Variants in SWAP70 observed in about 807,000 individuals in gnomAD.
SWAP70 encodes switch-associated protein 70.
A neutral mutation model predicts 80.2 loss-of-function variants in SWAP70; 34 were observed. The ratio of observed to expected loss-of-function variants is 0.42; its 90% CI spans 0.32 to 0.56. The LOEUF (loss-of-function observed/expected upper bound fraction) is 0.56, where lower values mean the gene tolerates loss of function less well. Ranked by LOEUF, SWAP70 falls within the 20% of genes least tolerant of loss-of-function variation. SWAP70 has a pLI of 0.09. For missense variants in SWAP70, 578 were observed against 690.7 expected, an observed-to-expected ratio of 0.84 and a Z score of 1.83; for synonymous variants, 239 against 238.5, an observed-to-expected ratio of 1.00 and a Z score of -0.02.
intron 7 of SWAP70, among the ~76,000 whole-genome samples, chr11:9,734,209 C>G (rs185114659): frequency 2.6e-5 from 4 of 152,306 alleles, no homozygotes; most frequent in African/African-American, 7.2e-5. Flanking sequence ...TCCCTCATCC[C>G]TAACCCCTGG....
chr11:9,721,243 A>G (rs1461828943), intron 3 of SWAP70, among the ~76,000 whole-genome samples: 1 of 151,744 alleles, frequency 6.6e-6, no homozygotes, highest in Non-Finnish European at 1.5e-5. Flanking sequence ...ACTTCTCTTT[A>G]AAGAGCCAAG....
chr11:9,721,253 G>T (rs1851131400), intron 3 of SWAP70, among the ~76,000 whole-genome samples: 1 of 151,638 alleles, frequency 6.6e-6, no homozygotes, highest in East Asian at 1.9e-4. Flanking sequence ...AAAGAGCCAA[G>T]GAAATACCTG....
In SWAP70 at chr11:9,666,905, A is replaced by G. The variant is rs533544217; in HGVS notation, c.99+2627A>G. Reference sequence around the variant, plus strand: ...AAGCCTGGCTAATTTTTGTATTTTTAGTAGAGATGGGGTTTCACCATATTG... The same window carrying G: ...AAGCCTGGCTAATTTTTGTATTTTTGGTAGAGATGGGGTTTCACCATATTG... On this transcript the variant is annotated intron_variant, in intron 1 of 11. Transcript: ENST00000318950. Among the ~76,000 whole-genome samples the G allele has an allele frequency of 1.6e-4, 24 of 151,946 alleles. 1 individual carries two copies. Among genetic ancestry groups the G allele is most frequent in the South Asian group, 8.3e-4 (4 of 4,816 alleles).
At chr11:9,716,225 G>C (rs1316302917) in intron 3 of SWAP70, among the ~76,000 whole-genome samples, 2 of 152,178 alleles carry the variant, frequency 1.3e-5, no homozygotes, top group African/African-American at 4.8e-5. Flanking sequence ...GTGAATAGAT[G>C]AAATATGGAG....
At chr11:9,727,256 C>T (rs763146146) in intron 4 of SWAP70, among the ~76,000 whole-genome samples, 1 of 152,098 alleles carries the variant, frequency 6.6e-6, no homozygotes, top group African/African-American at 2.4e-5. Flanking sequence ...GGCATGGTGG[C>T]ATGCGCTTGT....
chr11:9,702,252 A>C (rs1850842503), intron 2 of SWAP70, among the ~76,000 whole-genome samples: 1 of 152,164 alleles, frequency 6.6e-6, no homozygotes, highest in Admixed American at 6.6e-5. Flanking sequence ...TGCTCAAAGC[A>C]CTTCAAATGT....
chr11:9,668,554 G>T (rs1171111870), intron 1 of SWAP70, among the ~76,000 whole-genome samples: 1 of 152,124 alleles, frequency 6.6e-6, no homozygotes, highest in Non-Finnish European at 1.5e-5. Context: ...TAGAGTTTTT[G>T]CCTTAATTTG....
At chr11:9,664,760 C>T (rs1444394121) in intron 1 of SWAP70, among the ~76,000 whole-genome samples, 2 of 152,242 alleles carry the variant, frequency 1.3e-5, no homozygotes, top group African/African-American at 4.8e-5. Flanking sequence ...CGGCTAGCTG[C>T]CCCGGAGGCG....
chr11:9,701,120 A>G (rs565069738), intron 2 of SWAP70, among the ~76,000 whole-genome samples: 6 of 151,706 alleles, frequency 4.0e-5, no homozygotes, highest in East Asian at 1.9e-4. Flanking sequence ...TGAGACTTCA[A>G]ATGATTAACC....
intron 3 of SWAP70, among the ~76,000 whole-genome samples, chr11:9,716,532 T>C (rs1422997786): frequency 6.6e-6 from 1 of 152,170 alleles, no homozygotes; most frequent in Non-Finnish European, 1.5e-5. Flanking sequence ...ATCTGTAAAA[T>C]GGGGATAACT....
At chr11:9,728,732 T>C (rs1254347317) in intron 5 of SWAP70, among the ~76,000 whole-genome samples, 1 of 152,240 alleles carries the variant, frequency 6.6e-6, no homozygotes, top group Non-Finnish European at 1.5e-5. Flanking sequence ...TCCCCGTGTC[T>C]GTATGTGTTG....
chr11:9,693,832 C>G (rs1850723065), intron 1 of SWAP70, among the ~76,000 whole-genome samples: 1 of 151,864 alleles, frequency 6.6e-6, no homozygotes, highest in Non-Finnish European at 1.5e-5. Flanking sequence ...TCCCCCCCCA[C>G]CCCACTTTTC....
At chr11:9,735,053 G>T (rs867482831) in intron 7 of SWAP70, among the ~76,000 whole-genome samples, 3 of 152,248 alleles carry the variant, frequency 2.0e-5, no homozygotes, top group South Asian at 2.1e-4. Flanking sequence ...TTTACTTAAA[G>T]AATTTACTTA....
chr11:9,681,723 G>C (rs1182639105), intron 1 of SWAP70, among the ~76,000 whole-genome samples: 1 of 152,218 alleles, frequency 6.6e-6, no homozygotes, highest in Non-Finnish European at 1.5e-5. Flanking sequence ...AATACAGTGA[G>C]ATACAGAAGG....
rs201181416 is a variant in SWAP70 at position 9,698,093 on chromosome 11, G to GTTTTTTTTTT, written c.240+3813_240+3814insTTTTTTTTTT. Among the ~76,000 whole-genome samples, 3 of 109,584 alleles carry GTTTTTTTTTT rather than the reference G, an allele frequency of 2.7e-5. 1 individual carries two copies. Among genetic ancestry groups the GTTTTTTTTTT allele is most frequent in the Non-Finnish European group, 3.6e-5 (2 of 54,878 alleles). The allele number at this position is 109,584 out of a possible 152,430, so 71.9% of individuals were successfully genotyped here. On this transcript the variant is annotated intron_variant, in intron 2 of 11. Coordinates refer to ENST00000318950, the MANE Select transcript of SWAP70 (RefSeq NM_015055.4). ...GAGCCACCATGCCTGGCCAATACATGTTTTTTGTTTTTTTTTTTTTTTTTT... is the reference window on the plus strand; with the variant it reads ...GAGCCACCATGCCTGGCCAATACATGTTTTTTTTTTTTTTTTGTTTTTTTTTTTTTTTTTT...
chr11:9,735,714 C>T (rs530436688), intron 7 of SWAP70, among the ~76,000 whole-genome samples: 42 of 152,296 alleles, frequency 2.8e-4, no homozygotes, highest in African/African-American at 1.0e-3. Flanking sequence ...GAGAACTAGT[C>T]AGAACTTTCT....
intron 1 of SWAP70, among the ~76,000 whole-genome samples, chr11:9,685,604 C>T (rs1434313193): frequency 7.0e-5 from 7 of 100,010 alleles, no homozygotes; most frequent in Non-Finnish European, 1.9e-4. Flanking sequence ...GTTCCGCTCT[C>T]TTGACTTAAT....
chr11:9,700,256 A>G (rs1323959238), intron 2 of SWAP70, among the ~76,000 whole-genome samples: 1 of 152,176 alleles, frequency 6.6e-6, no homozygotes, highest in Non-Finnish European at 1.5e-5. Context: ...GGGAATGAGG[A>G]TGTGATGGAA....
At chr11:9,670,359 T>C (rs1454464989) in intron 1 of SWAP70, among the ~76,000 whole-genome samples, 1 of 152,154 alleles carries the variant, frequency 6.6e-6, no homozygotes, top group Non-Finnish European at 1.5e-5. Context: ...TGGTTTTTAA[T>C]AGAAGTGGGT....
Sources: allele counts gnomAD v4.1 joint callset (sites outside exome capture counted in the v4.1 genomes callset), GRCh38; gene constraint gnomAD v4.1.1; transcripts MANE v1.5; gene names NCBI Gene and HGNC (gene_info 2026-07-23, HGNC 2026-07-21).